FARP1: variants seen among roughly 807,000 people sequenced by gnomAD.
FARP1 encodes the protein FERM, ARH/RhoGEF and pleckstrin domain protein 1.
Under a neutral mutation model 128.8 loss-of-function variants are expected in FARP1, and 52 were observed. That is an observed-to-expected ratio of 0.40 (90% CI 0.32 to 0.51). FARP1 has a LOEUF of 0.51. Ranked by LOEUF, FARP1 falls within the 20% of genes least tolerant of loss-of-function variation. The pLI, the probability that FARP1 is intolerant of heterozygous loss-of-function variation, is 0.45. For synonymous variants in FARP1, 580 were observed against 551.8 expected (o/e 1.05, Z -0.72); for missense variants, 1,333 against 1,367.9 (o/e 0.97, Z 0.40).
At chr13:98,381,389 A>G (rs769852214) in intron 6 of FARP1, among the ~76,000 whole-genome samples, 7 of 152,214 alleles carry the variant, frequency 4.6e-5, no homozygotes, top group South Asian at 4.1e-4. Flanking sequence ...GTCCGTCTCT[A>G]TACACACAAT....
At chr13:98,181,835 C>G (rs1878550867) in intron 1 of FARP1, among the ~76,000 whole-genome samples, 1 of 151,770 alleles carries the variant, frequency 6.6e-6, no homozygotes, top group Non-Finnish European at 1.5e-5. Context: ...CTAGAACTTG[C>G]CATGGTCATG....
rs556812834 is a variant in FARP1, at chr13:98,411,620, C to A, written c.1693-281C>A. Among the ~76,000 whole-genome samples the A allele has an allele frequency of 2.0e-5, 3 of 152,264 alleles. No homozygotes were observed. In the East Asian group the frequency reaches 5.8e-4, roughly 29 times the overall value. Reference sequence around the variant, plus strand: ...ATCGGCCAGAATGGAGGTTTTGATTCGAGTAGTTCCCCATTTAAGAGATTT... The same window carrying A: ...ATCGGCCAGAATGGAGGTTTTGATTAGAGTAGTTCCCCATTTAAGAGATTT... On this transcript the variant is annotated intron_variant, in intron 15 of 26. Transcript: ENST00000319562.
rs1337065520 is a variant in FARP1 at position 98,449,292 on chromosome 13, C to T, written c.*975C>T. ...ACTGTGGTTTGAAACTGCGCATTCT[C>T]TAGTAGTATATATCGTGCCTGTCTT... On this transcript the variant is annotated 3_prime_UTR_variant, in exon 27 of 27. Coordinates refer to ENST00000319562, the MANE Select transcript of FARP1 (RefSeq NM_005766.4). 1.3e-5 allele frequency: 2 copies of T among 152,246 alleles called. No homozygotes were observed. Among genetic ancestry groups the T allele is most frequent in the Non-Finnish European group, 2.9e-5 (2 of 68,070 alleles). The allele number at this position is 152,246 out of a possible 1,614,324, so 9.4% of individuals were successfully genotyped here.
chr13:98,307,831 T>C (rs780841917), intron 2 of FARP1, among the ~76,000 whole-genome samples: 13 of 152,094 alleles, frequency 8.5e-5, no homozygotes, highest in Non-Finnish European at 1.8e-4. Context: ...AAGCCCAAAT[T>C]TGATAATGTT....
At chr13:98,340,479 G>C (rs2139863536) in intron 2 of FARP1, among the ~76,000 whole-genome samples, 1 of 152,138 alleles carries the variant, frequency 6.6e-6, no homozygotes, top group Non-Finnish European at 1.5e-5. Context: ...TGAGTAGCTG[G>C]GATTACAGGA....
At position 98,448,576 on chromosome 13, in the gene FARP1, G is replaced by A. The variant is rs1209982389; in HGVS notation, c.*259G>A. ...GCCAGTATTAAAACATTGTCATTAC[G>A]AGAGTGCCAAATGACATCTTCCCTC... On this transcript the variant is annotated 3_prime_UTR_variant, in exon 27 of 27. Coordinates refer to ENST00000319562, the MANE Select transcript of FARP1 (RefSeq NM_005766.4). The A allele has an allele frequency of 1.6e-5, 7 of 443,994 alleles. No individual in the cohort carries two copies. Among genetic ancestry groups the A allele is most frequent in the Middle Eastern group, 5.9e-4 (1 of 1,698 alleles). The allele number at this position is 443,994 out of a possible 1,614,324, so 27.5% of individuals were successfully genotyped here.
At chr13:98,306,521 C>CT (rs145068057) in intron 2 of FARP1, among the ~76,000 whole-genome samples, 186 of 148,582 alleles carry the variant, frequency 1.3e-3, no homozygotes, top group Middle Eastern at 6.9e-3. Context: ...TTCTTTCTTT[C>CT]TTTTTTGTTT....
chr13:98,198,580 T>A (rs1374442180), intron 1 of FARP1, among the ~76,000 whole-genome samples: 5 of 151,918 alleles, frequency 3.3e-5, no homozygotes, highest in East Asian at 2.0e-4. Context: ...AGAAATAATT[T>A]AAAAACTTAG....
At chr13:98,347,509 C>T (rs1343567087) in intron 3 of FARP1, among the ~76,000 whole-genome samples, 5 of 151,308 alleles carry the variant, frequency 3.3e-5, no homozygotes, top group Non-Finnish European at 5.9e-5. Context: ...TTTGTCTTTT[C>T]GTGACTGGCT....
chr13:98,147,460 C>T (rs1192623229), intron 1 of FARP1, among the ~76,000 whole-genome samples: 2 of 152,126 alleles, frequency 1.3e-5, no homozygotes, highest in African/African-American at 4.8e-5. Flanking sequence ...TCAGGCCACA[C>T]TAGACTGCCT....
chr13:98,294,850 C>G (rs566512322), intron 2 of FARP1, among the ~76,000 whole-genome samples: 82 of 152,052 alleles, frequency 5.4e-4, no homozygotes, highest in Admixed American at 5.0e-3. Flanking sequence ...AACCCCGTCT[C>G]TACTAAAAAT....
intron 9 of FARP1, among the ~76,000 whole-genome samples, chr13:98,388,723 G>A (rs1207604792): frequency 6.6e-6 from 1 of 152,220 alleles, no homozygotes; most frequent in Non-Finnish European, 1.5e-5. Context: ...CCTGGGGAGA[G>A]GGTCATTTCC....
intron 2 of FARP1, among the ~76,000 whole-genome samples, chr13:98,324,900 T>C (rs946910800): frequency 3.3e-5 from 5 of 152,254 alleles, no homozygotes; most frequent in African/African-American, 1.2e-4. Context: ...TCATGGCCCA[T>C]GGCTGCCTTC....
chr13:98,421,575 A>C (rs910079772), intron 16 of FARP1, among the ~76,000 whole-genome samples: 1 of 152,232 alleles, frequency 6.6e-6, no homozygotes, highest in Non-Finnish European at 1.5e-5. Context: ...CCAGATAACA[A>C]GGCCAGGCAA....
intron 2 of FARP1, chr13:98,244,910 G>A: frequency 2.1e-6 from 3 of 1,398,960 alleles, no homozygotes; most frequent in South Asian, 1.6e-5. Context: ...GGGTCTCCAG[G>A]AGGCTTGGTT....
chr13:98,332,771 A>G (rs1252729048), intron 2 of FARP1: 2 of 152,216 alleles, frequency 1.3e-5, no homozygotes, highest in African/African-American at 4.8e-5. Context: ...TCACGTTAAG[A>G]TCGGTTCTTG....
At chr13:98,205,507 C>T (rs1312309985) in intron 1 of FARP1, among the ~76,000 whole-genome samples, 1 of 152,106 alleles carries the variant, frequency 6.6e-6, no homozygotes, top group Admixed American at 6.5e-5. Context: ...ATTCTCTTGC[C>T]TTAGCTTCCT....
At chr13:98,387,552 G>T (rs971757632) in intron 8 of FARP1, among the ~76,000 whole-genome samples, 20 of 152,270 alleles carry the variant, frequency 1.3e-4, no homozygotes, top group African/African-American at 4.8e-4. Context: ...CACGTTAAAT[G>T]AACAGGCCTG....
intron 2 of FARP1, among the ~76,000 whole-genome samples, chr13:98,262,995 A>T (rs1173258593): frequency 7.2e-6 from 1 of 138,582 alleles, no homozygotes; most frequent in African/African-American, 3.2e-5. Flanking sequence ...CATCTTAAAC[A>T]TTATTATTAT....
Sources: allele counts gnomAD v4.1 joint callset (sites outside exome capture counted in the v4.1 genomes callset), GRCh38; gene constraint gnomAD v4.1.1; transcripts MANE v1.5; gene names NCBI Gene and HGNC (gene_info 2026-07-23, HGNC 2026-07-21).